MAK: variants seen among roughly 807,000 people sequenced by gnomAD.
The protein encoded by MAK is serine/threonine-protein kinase MAK.
Under a neutral mutation model 82.6 loss-of-function variants are expected in MAK, and 65 were observed. That is an observed-to-expected ratio of 0.79 (90% CI 0.64 to 0.97). The LOEUF (loss-of-function observed/expected upper bound fraction) is 0.97. MAK is among the 50% of genes least tolerant of loss of function. The pLI is 0.00. For synonymous variants in MAK, 250 were observed against 274.2 expected (o/e 0.91, Z 0.87); for missense variants, 703 against 780.2 (o/e 0.90, Z 1.18).
intron 11 of MAK, among the ~76,000 whole-genome samples, chr6:10,779,088 A>C (rs1253097780): frequency 7.0e-6 from 1 of 142,584 alleles, no homozygotes; most frequent in African/African-American, 2.7e-5. Context: ...AGGTGGTACC[A>C]CTGCACTCCA....
chr6:10,775,488 G>A (rs757716547), intron 11 of MAK, 29 bp from the exon 12 acceptor site: 15 of 1,607,824 alleles, frequency 9.3e-6, no homozygotes, highest in Admixed American at 1.7e-5. Flanking sequence ...CCACTTCAAA[G>A]GTTAGAGCAG....
rs1254927146 is a variant in MAK at position 10,808,911 on chromosome 6, G to C, written c.390C>G (p.Asn130Lys). 1 of 1,613,434 alleles carries C rather than the reference G, an allele frequency of 6.2e-7. No individual in the cohort carries two copies. Among genetic ancestry groups the C allele is most frequent in the South Asian group, 1.1e-5 (1 of 91,054 alleles). Residue 130 changes from asparagine to lysine, a missense_variant, in exon 6 of 15, where the codon AAC (asparagine) becomes AAG (lysine). Asn to Lys is a moderately conservative substitution (Grantham distance 94, BLOSUM62 0). Transcript: ENST00000354489. ...GFFHRDMKPE[N>K]LLCMGPELVK... ...CAAGCTCTGGACCCATACAAAGCAA[G>C]TTTTCTGGTTTCATGTCCCTATGAA...
chr6:10,772,723 C>T (rs561176357), intron 13 of MAK, among the ~76,000 whole-genome samples: 160 of 152,082 alleles, frequency 1.1e-3, no homozygotes, highest in African/African-American at 2.2e-3. Flanking sequence ...GAATATAGAT[C>T]GCAAAATTAG....
At chr6:10,788,385 A>C (rs964945701) in intron 10 of MAK, among the ~76,000 whole-genome samples, 3 of 152,176 alleles carry the variant, frequency 2.0e-5, no homozygotes, top group Admixed American at 2.0e-4. Flanking sequence ...GAATAATTAT[A>C]AATAATTATG....
chr6:10,815,302 T>G (rs1478102660), intron 4 of MAK, among the ~76,000 whole-genome samples: 1 of 152,040 alleles, frequency 6.6e-6, no homozygotes, highest in African/African-American at 2.4e-5. Context: ...TTTTTAAAAT[T>G]TTACCTTTTT....
In MAK at chr6:10,796,268, G is replaced by T; in HGVS notation, c.873C>A (p.Gly291=). Residue 291 remains glycine, a synonymous_variant, in exon 9 of 15, where the codon GGC becomes GGA. Transcript: ENST00000354489. ...TTGATTCCAGATGATTTGACGAAGGGCCTAATACCTGACCAACTTGAAAAT... is the reference window on the plus strand; with the variant it reads ...TTGATTCCAGATGATTTGACGAAGGTCCTAATACCTGACCAACTTGAAAAT... ...HPYFQVGQVL[G]PSSNHLESKQ... 1 of 1,613,828 alleles carries T rather than the reference G, an allele frequency of 6.2e-7. No homozygotes were observed. The highest frequency in any genetic ancestry group is 8.5e-7 in the Non-Finnish European group (1 of 1,179,976).
chr6:10,780,453 G>GT (rs34131278), intron 11 of MAK, among the ~76,000 whole-genome samples: 3,754 of 96,730 alleles, frequency 0.039, 208 homozygotes, highest in African/African-American at 0.12. Context: ...AAATGTACTG[G>GT]TTTTTTTTTT....
chr6:10,834,874 G>A (rs1188638839), intron 1 of MAK, among the ~76,000 whole-genome samples: 1 of 152,134 alleles, frequency 6.6e-6, no homozygotes, highest in African/African-American at 2.4e-5. Context: ...ATCAAAGAAT[G>A]CACTCAGACA....
intron 10 of MAK, chr6:10,784,777 A>AT: frequency 2.3e-6 from 1 of 439,412 alleles, no homozygotes; most frequent in Non-Finnish European, 3.9e-6. Flanking sequence ...CATTTCTGAT[A>AT]CCAGTATGTG....
intron 9 of MAK, among the ~76,000 whole-genome samples, chr6:10,794,287 A>G (rs776314782): frequency 1.3e-5 from 2 of 152,160 alleles, no homozygotes; most frequent in Non-Finnish European, 2.9e-5. Flanking sequence ...TCATTCCTTC[A>G]TTCACTGAAC....
chr6:10,786,385 C>T (rs1774539334), intron 10 of MAK, among the ~76,000 whole-genome samples: 1 of 152,212 alleles, frequency 6.6e-6, no homozygotes, highest in Admixed American at 6.5e-5. Context: ...GTTCAATGCA[C>T]CAGTTCACCT....
intron 11 of MAK, among the ~76,000 whole-genome samples, chr6:10,783,974 A>C (rs527478017): frequency 6.6e-6 from 1 of 152,072 alleles, no homozygotes; most frequent in African/African-American, 2.4e-5. Context: ...AGCCGAGATC[A>C]CGCCACTGCA....
At chr6:10,777,675 G>A (rs562871376) in intron 11 of MAK, among the ~76,000 whole-genome samples, 4 of 152,200 alleles carry the variant, frequency 2.6e-5, no homozygotes, top group Non-Finnish European at 5.9e-5. Flanking sequence ...TTTTGCTATT[G>A]TTGCCCAGGC....
chr6:10,800,678 A>C lies in MAK; in HGVS notation c.831+1214T>G, dbSNP rs1581707490. 6.6e-6 allele frequency among the ~76,000 whole-genome samples: 1 copy of C among 152,010 alleles called. No individual in the cohort carries two copies. The highest frequency in any genetic ancestry group is 1.9e-4 in the East Asian group (1 of 5,158). On this transcript the variant is annotated intron_variant, in intron 8 of 14. Coordinates refer to ENST00000354489, the MANE Select transcript of MAK (RefSeq NM_001242957.3). The surrounding 1 kb of genome is among the most constrained non-coding windows in gnomAD (Gnocchi z 4.2). ...AACATGGAGAAACCCTGTCTCTACTAAAAATACAAAATTAGCCAGGCGTGG... is the reference window on the plus strand; with the variant it reads ...AACATGGAGAAACCCTGTCTCTACTCAAAATACAAAATTAGCCAGGCGTGG...
intron 14 of MAK, among the ~76,000 whole-genome samples, chr6:10,765,440 ATTTTTTTTTTTTTTTTTT>A (rs200536068): frequency 0.73 from 96,355 of 132,318 alleles, 35,030 homozygotes; most frequent in East Asian, 0.93. Context: ...TAGAATGAAG[ATTTTTTTTTTTTTTTTTT>A]TTTTTTTTTT....
chr6:10,778,562 G>A (rs1175320345), intron 11 of MAK, among the ~76,000 whole-genome samples: 3 of 152,200 alleles, frequency 2.0e-5, no homozygotes, highest in Non-Finnish European at 2.9e-5. Context: ...GGGGAGGTGC[G>A]ATCCTTGAAG....
chr6:10,770,464 C>G (rs1401224951), intron 13 of MAK, among the ~76,000 whole-genome samples: 1 of 152,148 alleles, frequency 6.6e-6, no homozygotes, highest in East Asian at 1.9e-4. Context: ...TGCCTAACTT[C>G]TCACAGTTAG....
At chr6:10,794,751 G>C (rs145807088) in intron 9 of MAK, among the ~76,000 whole-genome samples, 5,849 of 152,272 alleles carry the variant, frequency 0.038, 177 homozygotes, top group Non-Finnish European at 0.054. Flanking sequence ...CAAGCACTTT[G>C]GGAGGCCAAG....
intron 14 of MAK, among the ~76,000 whole-genome samples, chr6:10,768,755 A>G (rs936850752): frequency 6.6e-6 from 1 of 152,240 alleles, no homozygotes; most frequent in African/African-American, 2.4e-5. Context: ...CTATTTAAGC[A>G]GTTCTATTGC....
Sources: gnomAD v4.1 joint callset for allele counts (sites outside exome capture counted in the v4.1 genomes callset) on GRCh38, gnomAD v4.1.1 for gene constraint, Gnocchi (gnomAD v3.1) non-coding constraint, MANE v1.5 for transcripts, NCBI Gene and HGNC (gene_info 2026-07-23, HGNC 2026-07-21) for gene names.